Variants in BARX2 observed in about 807,000 individuals in gnomAD.
BARX2 encodes the protein BARX homeobox 2.
A neutral mutation model predicts 25.5 loss-of-function variants in BARX2; 11 were observed. The observed-to-expected ratio is 0.43, with a 90% CI of 0.27 to 0.71. The LOEUF (loss-of-function observed/expected upper bound fraction) is 0.71. Ranked by LOEUF, BARX2 falls within the 30% of genes least tolerant of loss-of-function variation. BARX2 has a pLI of 0.19. For synonymous variants in BARX2, 137 were observed against 149.5 expected (o/e 0.92, Z 0.61); for missense variants, 360 against 359.9 (o/e 1.00, Z 0.00).
chr11:129,376,217 G>C lies in BARX2; in HGVS notation c.182G>C (p.Cys61Ser). The change falls in exon 1 of 4, where the codon TGT (cysteine) becomes TCT (serine). Residue 61 changes from cysteine (C) to serine (S), a missense_variant. Cys to Ser is a moderately radical substitution (Grantham distance 112). Transcript: ENST00000281437. This position sits in a 1 kb window ranked among gnomAD's most constrained non-coding sequence, Gnocchi z 4.2. ...LVVRPKPLHS[C>S]TGSPSLRAYP... ...GTGCGACCCAAGCCCCTGCATTCCT[G>C]TACGGGTAAGACGCTCCGCTAGGGG... is the stretch of plus-strand genomic sequence containing the variant. 6.2e-7 allele frequency: 1 copy of C among 1,600,954 alleles called. No homozygotes were observed. The highest frequency in any genetic ancestry group is 1.4e-5 in the African/African-American group (1 of 73,910).
Position 129,441,628 on chromosome 11 carries a change from T to C in BARX2, c.489-1207T>C, listed in dbSNP as rs892267729. Among the ~76,000 whole-genome samples the C allele has an allele frequency of 1.7e-4, 24 of 139,344 alleles. No individual in the cohort carries two copies. The East Asian group carries it at 4.5e-3, about 26-fold the overall frequency. 91.4% of individuals were successfully genotyped at this position (139,344 alleles called of 152,430 possible). ...CACACCCAGTTAATTTTTGTATTTT[T>C]AGTAGAGATGGGGGTCTCACCATGT... On this transcript the variant is annotated intron_variant, in intron 2 of 3. Transcript: ENST00000281437.
intron 3 of BARX2, among the ~76,000 whole-genome samples, chr11:129,444,056 T>C (rs1479933109): frequency 2.0e-5 from 3 of 152,124 alleles, no homozygotes; most frequent in African/African-American, 4.8e-5. Context: ...TAAAATATGA[T>C]GTTTTTCACA....
At position 129,436,775 on chromosome 11, in the gene BARX2, C is replaced by T. The variant is rs1032523847; in HGVS notation, c.212C>T (p.Pro71Leu). ...CTGSPSLRAY[P>L]LLSVITRQPT... ...GGCTCCCCTTCCCTGCGGGCATATC[C>T]GCTCCTCTCGGTGATCACCCGCCAG... Residue 71 changes from proline to leucine, a missense_variant, in exon 2 of 4, where the codon CCG becomes CTG. This residue lies in a region of BARX2 where 240 missense variants were observed against 228.7 expected (regional missense o/e 1.05). Coordinates refer to ENST00000281437, the MANE Select transcript of BARX2 (RefSeq NM_003658.5). The surrounding 1 kb of genome is among the most constrained non-coding windows in gnomAD (Gnocchi z 4.5). The T allele has an allele frequency of 8.7e-6, 14 of 1,602,680 alleles. No homozygotes were observed. Among genetic ancestry groups the T allele is most frequent in the African/African-American group, 2.7e-5 (2 of 74,654 alleles).
At chr11:129,407,503 C>T (rs1861843658) in intron 1 of BARX2, among the ~76,000 whole-genome samples, 1 of 152,150 alleles carries the variant, frequency 6.6e-6, no homozygotes, top group Non-Finnish European at 1.5e-5. Context: ...ACAGTCTATG[C>T]TTTGCACTTC....
intron 3 of BARX2, among the ~76,000 whole-genome samples, chr11:129,450,504 G>A (rs1862384409): frequency 6.6e-6 from 1 of 152,148 alleles, no homozygotes; most frequent in African/African-American, 2.4e-5. Flanking sequence ...TGTAATGGTT[G>A]TCAAGTATTC....
chr11:129,421,484 G>C (rs991629707), intron 1 of BARX2, among the ~76,000 whole-genome samples: 3 of 152,178 alleles, frequency 2.0e-5, no homozygotes, highest in Non-Finnish European at 2.9e-5. Context: ...TGCATTGGAT[G>C]CATAATCACT....
At chr11:129,415,936 A>G (rs1182524278) in intron 1 of BARX2, among the ~76,000 whole-genome samples, 1 of 152,206 alleles carries the variant, frequency 6.6e-6, no homozygotes, top group Non-Finnish European at 1.5e-5. Context: ...ATTGGATCCA[A>G]CGTGACTGGG....
chr11:129,401,880 C>T (rs1214766393), intron 1 of BARX2, among the ~76,000 whole-genome samples: 1 of 150,994 alleles, frequency 6.6e-6, no homozygotes, highest in African/African-American at 2.4e-5. Flanking sequence ...CGCTTGAACC[C>T]AGAAGGCAGA....
chr11:129,385,841 C>T (rs1466985576), intron 1 of BARX2, among the ~76,000 whole-genome samples: 2 of 152,108 alleles, frequency 1.3e-5, no homozygotes, highest in Non-Finnish European at 1.5e-5. Flanking sequence ...CACAAGAGAC[C>T]GCACATGTCC....
In BARX2 at chr11:129,436,784, CG is replaced by C; in HGVS notation, c.223del (p.Val75Ter). 1 of 1,607,298 alleles carries C rather than the reference CG, an allele frequency of 6.2e-7. No individual in the cohort carries two copies. The highest frequency in any genetic ancestry group is 1.1e-5 in the South Asian group (1 of 90,498). ...SPSLRAYPLLSVITRQPTVIS... is the reference protein window; with the variant it reads ...SPSLRAYPLLXVITRQPTVIS... ...TCCCTGCGGGCATATCCGCTCCTCT[CG>C]GTGATCACCCGCCAGCCCACTGTCA... is the stretch of plus-strand genomic sequence containing the variant. On this transcript the variant is annotated frameshift_variant, in exon 2 of 4. Transcript: ENST00000281437. LOFTEE classifies it high-confidence loss of function. The surrounding 1 kb of genome is among the most constrained non-coding windows in gnomAD (Gnocchi z 4.5).
chr11:129,380,067 A>T (rs562886236), intron 1 of BARX2, among the ~76,000 whole-genome samples: 1 of 151,912 alleles, frequency 6.6e-6, no homozygotes, highest in African/African-American at 2.4e-5. Flanking sequence ...ATTTTTTGCA[A>T]AGTGCCAGGG....
At chr11:129,419,973 G>A (rs114060344) in intron 1 of BARX2, among the ~76,000 whole-genome samples, 1 of 151,808 alleles carries the variant, frequency 6.6e-6, no homozygotes, top group Admixed American at 6.6e-5. Flanking sequence ...TAGAAATGAG[G>A]TCTCACCATG....
intron 2 of BARX2, among the ~76,000 whole-genome samples, chr11:129,439,069 T>A (rs1862226059): frequency 6.6e-6 from 1 of 152,120 alleles, no homozygotes; most frequent in African/African-American, 2.4e-5. Context: ...AACTTGGTTG[T>A]TTAAGCAGTT....
intron 1 of BARX2, among the ~76,000 whole-genome samples, chr11:129,403,984 G>C (rs1861803199): frequency 6.6e-6 from 1 of 152,180 alleles, no homozygotes; most frequent in African/African-American, 2.4e-5. Context: ...GCAGGTATAA[G>C]GACACCACCA....
At chr11:129,379,192 TAAG>T (rs992132113) in intron 1 of BARX2, among the ~76,000 whole-genome samples, 1 of 152,198 alleles carries the variant, frequency 6.6e-6, no homozygotes, top group African/African-American at 2.4e-5. Context: ...CCTTTCCCTG[TAAG>T]CCTCACCACA....
At chr11:129,388,378 C>T (rs1861635421) in intron 1 of BARX2, among the ~76,000 whole-genome samples, 1 of 152,024 alleles carries the variant, frequency 6.6e-6, no homozygotes, top group Non-Finnish European at 1.5e-5. Context: ...TCCTCACTGC[C>T]CTGGGGTCTG....
intron 1 of BARX2, among the ~76,000 whole-genome samples, chr11:129,403,919 T>C (rs1168241249): frequency 6.6e-6 from 1 of 152,068 alleles, no homozygotes; most frequent in South Asian, 2.1e-4. Context: ...AGAGACAGGG[T>C]CTTGCTATGT....
intron 2 of BARX2, chr11:129,437,591 C>T (rs1862207069): frequency 8.5e-6 from 7 of 827,604 alleles, no homozygotes; most frequent in Non-Finnish European, 1.0e-5. Flanking sequence ...TTGACTGAGA[C>T]CCAGGAGGAC....
intron 3 of BARX2, among the ~76,000 whole-genome samples, chr11:129,450,420 G>A (rs1862383459): frequency 6.6e-6 from 1 of 152,308 alleles, no homozygotes; most frequent in East Asian, 1.9e-4. Context: ...ACTGGATTAT[G>A]CTAAGAATCT....
Sources: allele counts gnomAD v4.1 joint callset (sites outside exome capture counted in the v4.1 genomes callset), GRCh38; gene constraint gnomAD v4.1.1; regional missense constraint gnomAD v4.1.1; non-coding constraint Gnocchi (gnomAD v3.1); transcripts MANE v1.5; gene names NCBI Gene and HGNC (gene_info 2026-07-23, HGNC 2026-07-21).